MDGA2: variants seen among roughly 807,000 people sequenced by gnomAD.
The protein encoded by MDGA2 is MAM domain-containing glycosylphosphatidylinositol anchor protein 2.
A neutral mutation model predicts 117.8 loss-of-function variants in MDGA2; 40 were observed. That is an observed-to-expected ratio of 0.34 (90% CI 0.26 to 0.44). The LOEUF (loss-of-function observed/expected upper bound fraction) is 0.44, where lower values mean the gene tolerates loss of function less well. MDGA2 is among the 20% of genes least tolerant of loss of function. MDGA2 has a pLI of 1.00. For synonymous variants in MDGA2, 452 were observed against 439.0 expected, an observed-to-expected ratio of 1.03 and a Z score of -0.37; for missense variants, 1,123 against 1,250.6, an observed-to-expected ratio of 0.90 and a Z score of 1.54.
chr14:47,277,836 T>C (rs1484925280), intron 2 of MDGA2, among the ~76,000 whole-genome samples: 2 of 152,134 alleles, frequency 1.3e-5, no homozygotes, highest in African/African-American at 2.4e-5. Flanking sequence ...TTACTGACAA[T>C]TGCCCAACCC....
At chr14:47,042,316 T>G (rs1340849636) in intron 7 of MDGA2, among the ~76,000 whole-genome samples, 2 of 77,132 alleles carry the variant, frequency 2.6e-5, no homozygotes, top group Non-Finnish European at 2.9e-5. Context: ...ATCTATGTTT[T>G]TTTTTTTTTT....
At chr14:47,522,390 T>G (rs1894889940) in intron 1 of MDGA2, among the ~76,000 whole-genome samples, 1 of 143,486 alleles carries the variant, frequency 7.0e-6, no homozygotes, top group East Asian at 2.2e-4. Flanking sequence ...CACACACAAT[T>G]AAATATCAGT....
At chr14:47,062,968 T>C (rs1051531761) in intron 6 of MDGA2, among the ~76,000 whole-genome samples, 1 of 152,022 alleles carries the variant, frequency 6.6e-6, no homozygotes, top group Non-Finnish European at 1.5e-5. Context: ...AAGATATATT[T>C]GAAGGGCTCC....
chr14:47,183,730 A>C (rs1884800187), intron 3 of MDGA2, among the ~76,000 whole-genome samples: 1 of 152,020 alleles, frequency 6.6e-6, no homozygotes, highest in African/African-American at 2.4e-5. Flanking sequence ...CATAAATTCG[A>C]GATTGTTATT....
intron 3 of MDGA2, among the ~76,000 whole-genome samples, chr14:47,145,422 A>G (rs1488690126): frequency 6.6e-6 from 1 of 152,224 alleles, no homozygotes; most frequent in Non-Finnish European, 1.5e-5. Context: ...CTAATGGGCC[A>G]TAATCTGCCA....
intron 14 of MDGA2, among the ~76,000 whole-genome samples, chr14:46,856,937 A>G (rs1311941755): frequency 6.6e-6 from 1 of 152,144 alleles, no homozygotes; most frequent in South Asian, 2.1e-4. Context: ...CTTCATATCT[A>G]CAAGTCATAA....
chr14:47,243,701 GGA>G (rs750726449), intron 2 of MDGA2, among the ~76,000 whole-genome samples: 6 of 151,518 alleles, frequency 4.0e-5, no homozygotes, highest in Admixed American at 1.3e-4. Flanking sequence ...ACATCAGAAG[GGA>G]GAGACTCCAG....
At chr14:46,929,631 A>G (rs1443936000) in intron 9 of MDGA2, among the ~76,000 whole-genome samples, 1 of 27,856 alleles carries the variant, frequency 3.6e-5, no homozygotes, top group African/African-American at 1.4e-4. Context: ...ATATATATAT[A>G]TATATATATA....
At chr14:47,404,982 G>A (rs866904523) in intron 1 of MDGA2, among the ~76,000 whole-genome samples, 61 of 152,090 alleles carry the variant, frequency 4.0e-4, no homozygotes, top group African/African-American at 1.4e-3. Flanking sequence ...GCTCAGTTTC[G>A]ATAAATATTA....
At chr14:46,953,682 T>C (rs1366852483) in intron 9 of MDGA2, among the ~76,000 whole-genome samples, 2 of 151,954 alleles carry the variant, frequency 1.3e-5, no homozygotes, top group African/African-American at 2.4e-5. Flanking sequence ...AACATTTCAG[T>C]AAAAACATAA....
intron 2 of MDGA2, among the ~76,000 whole-genome samples, chr14:47,288,520 T>C (rs936622539): frequency 4.6e-5 from 7 of 152,288 alleles, no homozygotes; most frequent in African/African-American, 1.7e-4. Context: ...AGGATCATGT[T>C]CTGCTCAAGC....
intron 1 of MDGA2, among the ~76,000 whole-genome samples, chr14:47,568,152 T>A (rs1378387965): frequency 1.3e-5 from 2 of 152,166 alleles, no homozygotes; most frequent in Non-Finnish European, 2.9e-5. Context: ...AAATCACATG[T>A]GGATTTTATG....
At chr14:47,627,750 G>A (rs986109041) in intron 1 of MDGA2, among the ~76,000 whole-genome samples, 2 of 152,164 alleles carry the variant, frequency 1.3e-5, no homozygotes, top group African/African-American at 2.4e-5. Flanking sequence ...CCACATTGTG[G>A]AAGCTTTGTT....
intron 1 of MDGA2, among the ~76,000 whole-genome samples, chr14:47,506,171 G>T (rs1566489603): frequency 6.6e-6 from 1 of 152,022 alleles, no homozygotes; most frequent in Admixed American, 6.6e-5. Flanking sequence ...AAGTGTTTAG[G>T]CAAATGGAGT....
chr14:46,927,749 TA>T lies in MDGA2; in HGVS notation c.2090-7590del, dbSNP rs1884386798. On this transcript the variant is annotated intron_variant, in intron 9 of 16. Coordinates refer to ENST00000399232, the MANE Select transcript of MDGA2 (RefSeq NM_001113498.3). The stretch of plus-strand genomic sequence containing the variant: ...TCTTCCCATTTAGTAACAGCAAATA[TA>T]TTTTTCAATGACTAGTCATTATCAC... 2.0e-5 allele frequency among the ~76,000 whole-genome samples: 3 copies of T among 152,318 alleles called. No homozygotes were observed. In the South Asian group the frequency reaches 6.2e-4, roughly 32 times the overall value.
At chr14:46,963,564 G>A (rs949534136) in intron 8 of MDGA2, among the ~76,000 whole-genome samples, 3 of 152,110 alleles carry the variant, frequency 2.0e-5, no homozygotes, top group African/African-American at 7.2e-5. Flanking sequence ...GTAGACTTTA[G>A]ACCTCTAATT....
intron 1 of MDGA2, among the ~76,000 whole-genome samples, chr14:47,344,874 A>AGT (rs1019538163): frequency 2.2e-5 from 3 of 135,894 alleles, no homozygotes; most frequent in African/African-American, 5.1e-5. Context: ...TGTGTGTATG[A>AGT]GAGTGTGTGT....
chr14:47,047,042 C>T (rs193204529), intron 7 of MDGA2, among the ~76,000 whole-genome samples: 131 of 152,132 alleles, frequency 8.6e-4, no homozygotes, highest in Non-Finnish European at 1.5e-3. Context: ...GACAAATATG[C>T]CTAGGACTAG....
At chr14:47,398,947 C>G (rs551667723) in intron 1 of MDGA2, among the ~76,000 whole-genome samples, 3 of 152,230 alleles carry the variant, frequency 2.0e-5, no homozygotes, top group Admixed American at 1.3e-4. Context: ...ACTGTATCTA[C>G]CTGTACCCTG....
Sources: allele counts gnomAD v4.1 joint callset (sites outside exome capture counted in the v4.1 genomes callset), GRCh38; gene constraint gnomAD v4.1.1; transcripts MANE v1.5; gene names NCBI Gene and HGNC (gene_info 2026-07-23, HGNC 2026-07-21).